YIPF7: variants seen among roughly 807,000 people sequenced by gnomAD.
YIPF7 encodes Yip1 domain family member 7.
Under a neutral mutation model 27.2 loss-of-function variants are expected in YIPF7, and 35 were observed. That is an observed-to-expected ratio of 1.29 (90% confidence interval 0.98 to 1.70). The LOEUF is 1.70. YIPF7 is among the 40% of genes most tolerant of loss of function. The probability of loss-of-function intolerance (pLI) is 0.00; values close to 1 mark genes in which losing one functional copy is unlikely to be tolerated. For synonymous variants in YIPF7, 137 were observed against 110.4 expected, an observed-to-expected ratio of 1.24 and a Z score of -1.51; for missense variants, 358 against 303.7, an observed-to-expected ratio of 1.18 and a Z score of -1.33.
intron 1 of YIPF7, among the ~76,000 whole-genome samples, chr4:44,650,530 C>T (rs1713699710): frequency 6.6e-6 from 1 of 151,848 alleles, no homozygotes; most frequent in Admixed American, 6.6e-5. Context: ...CACACACACA[C>T]ACTTGTACCA....
intron 5 of YIPF7, among the ~76,000 whole-genome samples, chr4:44,623,376 C>G (rs1308378923): frequency 6.6e-6 from 1 of 152,116 alleles, no homozygotes; most frequent in African/African-American, 2.4e-5. Context: ...AGTTTTAAAG[C>G]ATAAAGTGAT....
At chr4:44,630,869 G>A (rs926106839) in intron 3 of YIPF7, among the ~76,000 whole-genome samples, 8 of 152,132 alleles carry the variant, frequency 5.3e-5, no homozygotes, top group African/African-American at 1.9e-4. Flanking sequence ...TAGAGAAAGC[G>A]AATATTCAAA....
At chr4:44,644,890 T>C (rs1713470718) in intron 2 of YIPF7, among the ~76,000 whole-genome samples, 1 of 152,126 alleles carries the variant, frequency 6.6e-6, no homozygotes, top group Non-Finnish European at 1.5e-5. Context: ...CCATCCCCCA[T>C]TTCTGCTCTT....
chr4:44,628,667 T>C (rs111681811), intron 4 of YIPF7, among the ~76,000 whole-genome samples: 463 of 152,204 alleles, frequency 3.0e-3, no homozygotes, highest in African/African-American at 0.01. Flanking sequence ...TCTTCTGCCT[T>C]TTTTTCTTAA....
intron 2 of YIPF7, among the ~76,000 whole-genome samples, chr4:44,658,825 T>G (rs980069157): frequency 2.0e-5 from 3 of 152,076 alleles, no homozygotes; most frequent in South Asian, 2.1e-4. Flanking sequence ...CTTTTGAGAT[T>G]TATTCACTAC....
upstream of YIPF7, among the ~76,000 whole-genome samples, chr4:44,656,596 GT>G (rs1713907362): frequency 6.6e-6 from 1 of 152,010 alleles, no homozygotes; most frequent in Admixed American, 6.6e-5. Context: ...AATGTGACCT[GT>G]TTGATTATGT....
At chr4:44,644,687 A>AATTTGG (rs1713462559) in intron 2 of YIPF7, among the ~76,000 whole-genome samples, 1 of 151,934 alleles carries the variant, frequency 6.6e-6, no homozygotes, top group Non-Finnish European at 1.5e-5. Context: ...GACTTTGGGG[A>AATTTGG]ACTGTTGGGA....
chr4:44,640,446 C>T (rs962740506), intron 2 of YIPF7, among the ~76,000 whole-genome samples: 10 of 152,184 alleles, frequency 6.6e-5, no homozygotes, highest in Non-Finnish European at 1.2e-4. Flanking sequence ...CGAGTGCATG[C>T]ACTGGCCATG....
chr4:44,626,880 A>G (rs913984964), intron 4 of YIPF7, among the ~76,000 whole-genome samples: 4 of 139,434 alleles, frequency 2.9e-5, no homozygotes, highest in Non-Finnish European at 6.0e-5. Flanking sequence ...GGTTCATTCC[A>G]TTCTCCTGCT....
At chr4:44,659,889 G>A (rs766600012) in intron 2 of YIPF7, among the ~76,000 whole-genome samples, 16 of 151,646 alleles carry the variant, frequency 1.1e-4, no homozygotes, top group Non-Finnish European at 1.8e-4. Flanking sequence ...CAAGGCAGGT[G>A]GATCACAAGG....
chr4:44,631,365 C>T (rs1433710023), intron 3 of YIPF7, among the ~76,000 whole-genome samples: 4 of 152,104 alleles, frequency 2.6e-5, no homozygotes, highest in Non-Finnish European at 4.4e-5. Context: ...TGGTCAGATA[C>T]AGGGGTATAG....
At chr4:44,655,334 T>C (rs1170017012), upstream of YIPF7, among the ~76,000 whole-genome samples, 1 of 152,026 alleles carries the variant, frequency 6.6e-6, no homozygotes, top group African/African-American at 2.4e-5. Flanking sequence ...AGCAAATTGA[T>C]TTGTGCAGTC....
Position 44,650,075 on chromosome 4 carries a change from G to T in YIPF7, c.26C>A (p.Ser9Tyr), listed in dbSNP as rs1713674123. Residue 9 changes from serine (S) to tyrosine (Y), a missense_variant, in exon 2 of 6, where the codon TCT (serine) becomes TAT (tyrosine). Coordinates refer to ENST00000415895, the MANE Select transcript of YIPF7 (RefSeq NM_182592.3). ...AGTAAAATTAGATTGGTAAAAATCA[G>T]AGTCAAATTGTGCCAAGTTTGACAT... The part of the protein sequence containing the change: MSNLAQFD[S>Y]DFYQSNFTID... 1 of 1,574,978 alleles carries T rather than the reference G, an allele frequency of 6.3e-7. No homozygotes were observed. The highest frequency in any genetic ancestry group is 8.6e-7 in the Non-Finnish European group (1 of 1,158,358).
intron 2 of YIPF7, among the ~76,000 whole-genome samples, chr4:44,658,010 G>A (rs1713947304): frequency 6.6e-6 from 1 of 152,008 alleles, no homozygotes; most frequent in South Asian, 2.1e-4. Flanking sequence ...CTTGAGCCCA[G>A]GAGTTTGAGA....
chr4:44,624,839 C>G, intron 4 of YIPF7, 57 bp from the exon 5 acceptor site: 1 of 1,480,882 alleles, frequency 6.8e-7, no homozygotes, highest in Non-Finnish European at 9.1e-7. Context: ...GAGAGGAAAT[C>G]TGAATATCAT....
intron 4 of YIPF7, among the ~76,000 whole-genome samples, chr4:44,628,093 G>A (rs1281401601): frequency 1.3e-5 from 2 of 152,088 alleles, no homozygotes; most frequent in Admixed American, 1.3e-4. Flanking sequence ...TTGATTAATT[G>A]ACATGGCCTT....
At chr4:44,650,980 T>A (rs1257472100) in intron 1 of YIPF7, among the ~76,000 whole-genome samples, 1 of 152,218 alleles carries the variant, frequency 6.6e-6, no homozygotes, top group African/African-American at 2.4e-5. Context: ...AACTCAACAT[T>A]TAATTCTTTA....
chr4:44,650,747 T>C (rs185196108), intron 1 of YIPF7, among the ~76,000 whole-genome samples: 34 of 152,328 alleles, frequency 2.2e-4, no homozygotes, highest in Admixed American at 2.2e-3. Context: ...GAAGTCTTTG[T>C]TCTATACATT....
intron 2 of YIPF7, among the ~76,000 whole-genome samples, chr4:44,643,304 G>T (rs1054242714): frequency 6.6e-5 from 10 of 152,096 alleles, no homozygotes; most frequent in Non-Finnish European, 1.5e-5. Context: ...TGATGGTTTA[G>T]GGCATCTACT....
Sources: gnomAD v4.1 joint callset for allele counts (sites outside exome capture counted in the v4.1 genomes callset) on GRCh38, gnomAD v4.1.1 for gene constraint, MANE v1.5 for transcripts, NCBI Gene and HGNC (gene_info 2026-07-23, HGNC 2026-07-21) for gene names.